The following PDE3B variants were observed in gnomAD, a reference collection of about 807,000 sequenced individuals.
PDE3B encodes phosphodiesterase 3B, also known as cGMP-inhibited 3',5'-cyclic phosphodiesterase 3B.
PDE3B carries 66 observed loss-of-function variants against 116.8 expected under a neutral mutation model. That is an observed-to-expected ratio of 0.56 (90% CI 0.46 to 0.69). The LOEUF is 0.69. Ranked by LOEUF, PDE3B falls within the 30% of genes least tolerant of loss-of-function variation. The pLI, the probability that PDE3B is intolerant of heterozygous loss-of-function variation, is 0.00. For synonymous variants in PDE3B, 595 were observed against 533.6 expected (o/e 1.12, Z -1.59); for missense variants, 1,384 against 1,368.1 (o/e 1.01, Z -0.18).
chr11:14,759,249 G>T (rs1857284319), intron 1 of PDE3B, among the ~76,000 whole-genome samples: 2 of 152,064 alleles, frequency 1.3e-5, no homozygotes, highest in Non-Finnish European at 2.9e-5. Flanking sequence ...TTGTGTCTCT[G>T]CCCGGCTTTG....
chr11:14,724,489 G>A (rs535226081), intron 1 of PDE3B, among the ~76,000 whole-genome samples: 1 of 152,146 alleles, frequency 6.6e-6, no homozygotes, highest in Admixed American at 6.5e-5. Flanking sequence ...CCTATAAGAT[G>A]CTTGAAGGTC....
rs569191770 is a variant in PDE3B at position 14,666,133 on chromosome 11, T to C, written c.978+21080T>C. Among the ~76,000 whole-genome samples the C allele has an allele frequency of 4.9e-4, 73 of 148,508 alleles. 2 individuals carry two copies. Among genetic ancestry groups the C allele is most frequent in the South Asian group, 3.0e-3 (14 of 4,638 alleles). On this transcript the variant is annotated intron_variant, in intron 1 of 15. Coordinates refer to ENST00000282096, the MANE Select transcript of PDE3B (RefSeq NM_000922.4). ...GAGCCCTCAGAAATAACGCCGCATA[T>C]CTACAACTATCTGATCTTTGACAAA...
chr11:14,765,285 A>T (rs1190887750), intron 1 of PDE3B, among the ~76,000 whole-genome samples: 2 of 152,046 alleles, frequency 1.3e-5, no homozygotes. Context: ...GAGGGCACAT[A>T]CATGTTTTTC....
In PDE3B at chr11:14,674,217, G is replaced by T; in HGVS notation, c.978+29164G>T. On this transcript the variant is annotated intron_variant, in intron 1 of 15. Transcript: ENST00000282096. ...CTCCATTTCCAGGGGTTTTCTGTTT[G>T]TTCTTTTTTGTTTTCACTTCAACAT... 3 of 1,240,856 alleles carry T rather than the reference G, an allele frequency of 2.4e-6. 1 individual carries two copies. In the South Asian group the frequency reaches 3.6e-5, roughly 15 times the overall value. The allele number at this position is 1,240,856 out of a possible 1,614,324, so 76.9% of individuals were successfully genotyped here.
intron 3 of PDE3B, among the ~76,000 whole-genome samples, chr11:14,787,940 T>C (rs1280581862): frequency 6.6e-6 from 1 of 151,862 alleles, no homozygotes; most frequent in African/African-American, 2.4e-5. Context: ...CATATTGATA[T>C]CAGTATTTAG....
At chr11:14,739,203 C>G (rs1244907402) in intron 1 of PDE3B, among the ~76,000 whole-genome samples, 1 of 152,090 alleles carries the variant, frequency 6.6e-6, no homozygotes, top group Non-Finnish European at 1.5e-5. Flanking sequence ...CAGTATGGCC[C>G]TTTTCACAAT....
At chr11:14,816,335 G>A (rs778759034) in intron 5 of PDE3B, among the ~76,000 whole-genome samples, 1 of 152,212 alleles carries the variant, frequency 6.6e-6, no homozygotes, top group East Asian at 1.9e-4. Context: ...GCACACATCT[G>A]TAAGTGTTTA....
At chr11:14,679,751 A>G (rs150439593) in intron 1 of PDE3B, among the ~76,000 whole-genome samples, 48 of 151,730 alleles carry the variant, frequency 3.2e-4, no homozygotes, top group Non-Finnish European at 6.8e-4. Context: ...TTCTTTTCTT[A>G]CACTAAATTT....
At chr11:14,759,867 T>G (rs888624500) in intron 1 of PDE3B, among the ~76,000 whole-genome samples, 1 of 152,008 alleles carries the variant, frequency 6.6e-6, no homozygotes, top group African/African-American at 2.4e-5. Flanking sequence ...TTTTAAGTGG[T>G]TTAGAGCTCA....
intron 1 of PDE3B, among the ~76,000 whole-genome samples, chr11:14,723,983 A>T (rs1231340211): frequency 6.6e-6 from 1 of 152,196 alleles, no homozygotes; most frequent in Non-Finnish European, 1.5e-5. Context: ...TTTTTAACAG[A>T]TATTATGTTA....
chr11:14,884,334 T>C, the PDE3B span, among the ~76,000 whole-genome samples: 1 of 151,934 alleles, frequency 6.6e-6, no homozygotes, highest in Non-Finnish European at 1.5e-5. Flanking sequence ...ATATACACCA[T>C]GGAATACTAT....
intron 1 of PDE3B, among the ~76,000 whole-genome samples, chr11:14,667,112 T>C (rs1048811973): frequency 2.0e-5 from 3 of 150,996 alleles, no homozygotes; most frequent in African/African-American, 7.3e-5. Flanking sequence ...CCGTAAAAAA[T>C]GAGGAGTTCA....
At chr11:14,741,305 T>C (rs1270281099) in intron 1 of PDE3B, among the ~76,000 whole-genome samples, 1 of 152,126 alleles carries the variant, frequency 6.6e-6, no homozygotes, top group African/African-American at 2.4e-5. Context: ...TGCATATATA[T>C]TTAGGATAGT....
At chr11:14,810,608 A>C (rs1256407460) in intron 5 of PDE3B, among the ~76,000 whole-genome samples, 2 of 151,206 alleles carry the variant, frequency 1.3e-5, no homozygotes, top group African/African-American at 4.9e-5. Flanking sequence ...TGCTATTGTG[A>C]ATAATGCCGC....
intron 2 of PDE3B, among the ~76,000 whole-genome samples, chr11:14,782,928 C>T (rs1455977616): frequency 6.6e-6 from 1 of 152,128 alleles, no homozygotes; most frequent in Non-Finnish European, 1.5e-5. Flanking sequence ...AAAAATCAAA[C>T]AACCCCATCA....
At chr11:14,666,602 C>G (rs946666392) in intron 1 of PDE3B, among the ~76,000 whole-genome samples, 1 of 151,842 alleles carries the variant, frequency 6.6e-6, no homozygotes, top group South Asian at 2.1e-4. Context: ...AAACACACAA[C>G]CCCATCAACA....
chr11:14,861,300 C>T lies in PDE3B; in HGVS notation c.2820C>T (p.Gly940=), dbSNP rs782387438. The T allele has an allele frequency of 1.9e-6, 3 of 1,613,568 alleles. No homozygotes were observed. In the African/African-American group the frequency reaches 4.0e-5, roughly 22 times the overall value. ...QVCIKLADIN[G]PAKVRDLHLK... is the part of the protein sequence containing the mutation. ...GCATCAAACTGGCAGATATAAATGG[C>T]CCAGCAAAAGTTCGAGACTTGCATT... The change falls in exon 14 of 16, where the codon GGC becomes GGT. Residue 940 remains glycine, a synonymous_variant. Transcript: ENST00000282096.
intron 12 of PDE3B, among the ~76,000 whole-genome samples, chr11:14,856,916 A>T (rs181900292): frequency 2.3e-4 from 35 of 150,824 alleles, no homozygotes; most frequent in Admixed American, 7.3e-4. Flanking sequence ...GATTTTTGTT[A>T]ATGTTTCCTC....
chr11:14,872,629 A>AT (rs1848154985), downstream of PDE3B, among the ~76,000 whole-genome samples: 1 of 152,196 alleles, frequency 6.6e-6, no homozygotes, highest in South Asian at 2.1e-4. Flanking sequence ...TTAGATTTAC[A>AT]TTTTATGAGG....
Sources: gnomAD v4.1 joint callset for allele counts (sites outside exome capture counted in the v4.1 genomes callset) on GRCh38, gnomAD v4.1.1 for gene constraint, MANE v1.5 for transcripts, NCBI Gene and HGNC (gene_info 2026-07-23, HGNC 2026-07-21) for gene names.